The following PCDH7 variants were observed in gnomAD, a reference collection of about 807,000 sequenced individuals.
PCDH7 encodes the protein protocadherin 7, also known as protocadherin-7.
In PCDH7, 17 loss-of-function variants were observed where a neutral mutation model predicts 58.9. The observed-to-expected ratio is 0.29, with a 90% CI of 0.20 to 0.43. The LOEUF (loss-of-function observed/expected upper bound fraction) is 0.43. PCDH7 is among the 20% of genes least tolerant of loss of function. The probability of loss-of-function intolerance (pLI) is 1.00; values close to 1 mark genes in which losing one functional copy is unlikely to be tolerated. For missense variants in PCDH7, 1,274 were observed against 1,441.0 expected (o/e 0.88, Z 1.88); for synonymous variants, 664 against 616.4 (o/e 1.08, Z -1.14).
chr4:30,824,163 T>TTTC lies in PCDH7; in HGVS notation c.71-95989_71-95988insTCT, dbSNP rs1560408191. Among the ~76,000 whole-genome samples, 4 of 142,206 alleles carry TTTC rather than the reference T, an allele frequency of 2.8e-5. No homozygotes were observed. In the East Asian group the frequency reaches 7.3e-4, roughly 26 times the overall value. The allele number at this position is 142,206 out of a possible 152,430, so 93.3% of individuals were successfully genotyped here. Reference sequence around the variant, plus strand: ...TCTTTCTTTCTTTCTTTCTTTCTTTTTGCTTCCCTCATATATGTGATTCTC... The same window carrying TTTC: ...TCTTTCTTTCTTTCTTTCTTTCTTTTTTCTGCTTCCCTCATATATGTGATTCTC... On this transcript the variant is annotated intron_variant, in intron 1 of 3. Transcript: ENST00000509759.
At chr4:30,910,578 C>T (rs1334565583) in intron 1 of PCDH7, among the ~76,000 whole-genome samples, 2 of 152,146 alleles carry the variant, frequency 1.3e-5, no homozygotes, top group African/African-American at 4.8e-5. Flanking sequence ...CACCAGTCAT[C>T]AGAGAAATTC....
chr4:30,967,428 A>C (rs1749093071), intron 3 of PCDH7, among the ~76,000 whole-genome samples: 1 of 152,172 alleles, frequency 6.6e-6, no homozygotes, highest in Admixed American at 6.5e-5. Flanking sequence ...GATAGTCTGC[A>C]TACGATGTCT....
chr4:30,808,040 G>A (rs1007024382), intron 1 of PCDH7, among the ~76,000 whole-genome samples: 1 of 152,190 alleles, frequency 6.6e-6, no homozygotes, highest in African/African-American at 2.4e-5. Context: ...GGGAGGGCTT[G>A]TAGGCACATC....
chr4:30,939,454 G>A (rs1177766489), intron 2 of PCDH7, among the ~76,000 whole-genome samples: 1 of 152,090 alleles, frequency 6.6e-6, no homozygotes, highest in Non-Finnish European at 1.5e-5. Context: ...CTCTTTCATA[G>A]TGAATTGTAT....
At chr4:30,982,799 A>G (rs1198828089) in intron 3 of PCDH7, among the ~76,000 whole-genome samples, 1 of 152,114 alleles carries the variant, frequency 6.6e-6, no homozygotes, top group African/African-American at 2.4e-5. Flanking sequence ...TCCCTCACAT[A>G]TCCAGAACGG....
At chr4:30,876,681 A>G (rs1224617075) in intron 1 of PCDH7, among the ~76,000 whole-genome samples, 1 of 152,106 alleles carries the variant, frequency 6.6e-6, no homozygotes, top group Non-Finnish European at 1.5e-5. Context: ...GCAAAGGTAC[A>G]TAAGGTGGAG....
chr4:31,093,666 A>G (rs1366414589), intron 3 of PCDH7, among the ~76,000 whole-genome samples: 1 of 152,142 alleles, frequency 6.6e-6, no homozygotes, highest in African/African-American at 2.4e-5. Flanking sequence ...TCTTAAAAGC[A>G]TCAGTGCAAG....
intron 3 of PCDH7, among the ~76,000 whole-genome samples, chr4:31,081,753 T>C (rs1025422090): frequency 6.6e-6 from 1 of 151,462 alleles, no homozygotes; most frequent in African/African-American, 2.4e-5. Flanking sequence ...CAAACTTCTT[T>C]AAAGGGACTT....
chr4:30,815,851 A>C (rs1727604491), intron 1 of PCDH7, among the ~76,000 whole-genome samples: 1 of 152,182 alleles, frequency 6.6e-6, no homozygotes, highest in Non-Finnish European at 1.5e-5. Context: ...ACAGTTTAAC[A>C]ACTGCCTGAT....
At chr4:31,032,328 C>A (rs1280031456) in intron 3 of PCDH7, among the ~76,000 whole-genome samples, 1 of 152,104 alleles carries the variant, frequency 6.6e-6, no homozygotes, top group African/African-American at 2.4e-5. Context: ...TAATACATGG[C>A]TGGACCTTGT....
chr4:31,037,689 T>G (rs1261841092), intron 3 of PCDH7, among the ~76,000 whole-genome samples: 1 of 152,252 alleles, frequency 6.6e-6, no homozygotes, highest in Non-Finnish European at 1.5e-5. Flanking sequence ...CATTCTTTCA[T>G]ATCCATTGCT....
intron 1 of PCDH7, among the ~76,000 whole-genome samples, chr4:30,799,541 A>G (rs1725256336): frequency 6.6e-6 from 1 of 152,178 alleles, no homozygotes; most frequent in Non-Finnish European, 1.5e-5. Context: ...ATCCCATATC[A>G]ATCACATTCA....
intron 3 of PCDH7, among the ~76,000 whole-genome samples, chr4:31,067,158 G>A (rs567327764): frequency 1.3e-4 from 20 of 152,012 alleles, no homozygotes; most frequent in Non-Finnish European, 1.8e-4. Flanking sequence ...GCTGTGAAGC[G>A]TGTTAAAAAT....
At chr4:30,841,398 T>C (rs1277942105) in intron 1 of PCDH7, among the ~76,000 whole-genome samples, 1 of 152,156 alleles carries the variant, frequency 6.6e-6, no homozygotes, top group Non-Finnish European at 1.5e-5. Flanking sequence ...TAAATATCTC[T>C]GCCATTCTTG....
intron 1 of PCDH7, among the ~76,000 whole-genome samples, chr4:30,862,140 C>T (rs192776677): frequency 6.6e-6 from 1 of 152,214 alleles, no homozygotes; most frequent in African/African-American, 2.4e-5. Context: ...TCTTGGTCTT[C>T]CAGCTTACCC....
intron 1 of PCDH7, among the ~76,000 whole-genome samples, chr4:30,847,332 A>G (rs1220375101): frequency 2.6e-5 from 4 of 152,152 alleles, no homozygotes; most frequent in Non-Finnish European, 5.9e-5. Flanking sequence ...TTTCTGCATT[A>G]GAGGGCTGAT....
At chr4:30,995,777 C>T (rs143626410) in intron 3 of PCDH7, among the ~76,000 whole-genome samples, 2,090 of 152,098 alleles carry the variant, frequency 0.014, 46 homozygotes, top group African/African-American at 0.048. Context: ...TGCTAGTGGC[C>T]CCATTTTTCT....
chr4:30,889,484 A>C (rs1018016744), intron 1 of PCDH7, among the ~76,000 whole-genome samples: 2 of 152,172 alleles, frequency 1.3e-5, no homozygotes, highest in African/African-American at 4.8e-5. Flanking sequence ...TATTGCAATA[A>C]ATTTCACAAT....
At chr4:31,027,147 A>G (rs1036702217) in intron 3 of PCDH7, among the ~76,000 whole-genome samples, 1 of 151,998 alleles carries the variant, frequency 6.6e-6, no homozygotes, top group African/African-American at 2.4e-5. Flanking sequence ...TACCAGACCC[A>G]ACTCTTTCTG....
Sources: gnomAD v4.1 joint callset for allele counts (sites outside exome capture counted in the v4.1 genomes callset) on GRCh38, gnomAD v4.1.1 for gene constraint, MANE v1.5 for transcripts, NCBI Gene and HGNC (gene_info 2026-07-23, HGNC 2026-07-21) for gene names.